CD96: variants seen among roughly 807,000 people sequenced by gnomAD.
The protein encoded by CD96 is T-cell surface protein tactile.
A neutral mutation model predicts 71.3 loss-of-function variants in CD96; 70 were observed. That is an observed-to-expected ratio of 0.98 (90% CI 0.81 to 1.20). The LOEUF is 1.20. CD96 is among the 50% of genes most tolerant of loss of function. The pLI is 0.00. For synonymous variants in CD96, 248 were observed against 233.0 expected, an observed-to-expected ratio of 1.06 and a Z score of -0.59; for missense variants, 742 against 677.5, an observed-to-expected ratio of 1.10 and a Z score of -1.06.
chr3:111,560,184 A>G (rs1159801044), intron 2 of CD96, among the ~76,000 whole-genome samples: 3 of 151,644 alleles, frequency 2.0e-5, no homozygotes, highest in African/African-American at 4.8e-5. Context: ...TGTGTCTTTT[A>G]ATTGGAGAAT....
At chr3:111,609,154 C>T (rs1184678172) in intron 8 of CD96, among the ~76,000 whole-genome samples, 1 of 152,128 alleles carries the variant, frequency 6.6e-6, no homozygotes, top group Non-Finnish European at 1.5e-5. Context: ...AGCATTTGTG[C>T]AGTGACAAAG....
chr3:111,547,435 C>T (rs778477800), intron 2 of CD96, among the ~76,000 whole-genome samples: 3 of 152,090 alleles, frequency 2.0e-5, no homozygotes, highest in Non-Finnish European at 4.4e-5. Context: ...GTACATTCTG[C>T]CTGAACCAGT....
rs549846739 is a variant in CD96, at chr3:111,564,953, T to A, written c.419-2570T>A. Among the ~76,000 whole-genome samples, 15 of 152,336 alleles carry A rather than the reference T, an allele frequency of 9.8e-5. No homozygotes were observed. In the South Asian group the frequency reaches 3.1e-3, roughly 32 times the overall value. On this transcript the variant is annotated intron_variant, in intron 2 of 13. Coordinates refer to ENST00000352690, the MANE Select transcript of CD96 (RefSeq NM_005816.5). ...GATTTCTCTTAGTGGACCTGTCCTG[T>A]CTTATTGGATTCTATGTCCAGCAGT...
chr3:111,611,767 G>A (rs1937950558), intron 8 of CD96, among the ~76,000 whole-genome samples: 1 of 152,182 alleles, frequency 6.6e-6, no homozygotes. Flanking sequence ...ATAAGCAAAG[G>A]CGTAAAACAA....
intron 3 of CD96, among the ~76,000 whole-genome samples, chr3:111,574,951 C>CTT (rs11310598): frequency 1.4e-5 from 2 of 145,592 alleles, no homozygotes; most frequent in African/African-American, 2.5e-5. Flanking sequence ...ACCCAGCTAA[C>CTT]TTTTTTTTTT....
chr3:111,594,013 TAGGTGGAAATATTCCC>T (rs774221128), intron 5 of CD96: 8 of 1,614,068 alleles, frequency 5.0e-6, no homozygotes, highest in Non-Finnish European at 1.7e-6. Flanking sequence ...GAGCAGGAGC[TAGGTGGAAATATTCCC>T]ATGCCTCAGA....
At chr3:111,615,886 C>G (rs1437549062) in intron 8 of CD96, among the ~76,000 whole-genome samples, 1 of 152,206 alleles carries the variant, frequency 6.6e-6, no homozygotes, top group Non-Finnish European at 1.5e-5. Flanking sequence ...CTAGCTGTTT[C>G]TTCAACATAC....
chr3:111,589,845 C>G (rs1374361975), intron 5 of CD96, among the ~76,000 whole-genome samples: 1 of 152,162 alleles, frequency 6.6e-6, no homozygotes, highest in African/African-American at 2.4e-5. Context: ...GCACAAGTGT[C>G]AAATTCTAAT....
rs1239499483 is a variant in CD96, at chr3:111,561,496, G to C, written c.419-6027G>C. 3.4e-5 allele frequency among the ~76,000 whole-genome samples: 5 copies of C among 147,122 alleles called. No homozygotes were observed. In the East Asian group the frequency reaches 1.0e-3, roughly 30 times the overall value. On this transcript the variant is annotated intron_variant, in intron 2 of 13. Transcript: ENST00000352690. The stretch of plus-strand genomic sequence containing the variant: ...TGAGGTGTCAGTGTGCCCCTGCTGC[G>C]GGGTGCCTCCCAGTTAGGCTGCTCG...
chr3:111,606,574 A>C, intron 7 of CD96, 126 bp from the exon 8 acceptor site: 5 of 675,152 alleles, frequency 7.4e-6, no homozygotes, highest in Non-Finnish European at 1.1e-5. Flanking sequence ...TGACCTTAAT[A>C]GGGCCCCAAT....
In CD96 at chr3:111,647,649, T is replaced by C. The variant is rs111262991; in HGVS notation, c.1584T>C (p.Cys528=). 4.0e-5 allele frequency: 64 copies of C among 1,609,682 alleles called. No homozygotes were observed. In the African/African-American group the frequency reaches 6.9e-4, roughly 17 times the overall value. The change falls in exon 13 of 14, where the codon TGT becomes TGC. Residue 528 remains cysteine, a synonymous_variant. Coordinates refer to ENST00000352690, the MANE Select transcript of CD96 (RefSeq NM_005816.5). ...ILFGLGVRKW[C]QYQKEIMERP... Reference sequence around the variant, plus strand: ...TTGGTCTTGGAGTGAGAAAATGGTGTCAGTACCAAAAAGAAATGTGAGTAT... The same window carrying C: ...TTGGTCTTGGAGTGAGAAAATGGTGCCAGTACCAAAAAGAAATGTGAGTAT...
chr3:111,633,727 G>A (rs569366862), intron 10 of CD96: 1 of 153,052 alleles, frequency 6.5e-6, no homozygotes, highest in East Asian at 1.9e-4. Flanking sequence ...ACAGAAGCTA[G>A]CATCAGTGTG....
At chr3:111,609,015 T>C (rs1407411078) in intron 8 of CD96, among the ~76,000 whole-genome samples, 1 of 152,150 alleles carries the variant, frequency 6.6e-6, no homozygotes, top group African/African-American at 2.4e-5. Context: ...TGAAAGTTCT[T>C]TGTGAGTTCA....
In CD96 at chr3:111,579,176, C is replaced by A. The variant is rs1301312801; in HGVS notation, c.693C>A (p.Cys231Ter). The A allele has an allele frequency of 6.2e-7, 1 of 1,611,010 alleles. No individual in the cohort carries two copies. Among genetic ancestry groups the A allele is most frequent in the African/African-American group, 1.3e-5 (1 of 74,876 alleles). Residue 231 changes from cysteine to a stop codon, truncating the protein, a stop_gained, in exon 4 of 14, where the codon TGC becomes TGA. Transcript: ENST00000352690. LOFTEE classifies it high-confidence loss of function. ...QIFDDGRKFSCHIRVGPNKIL... is the reference protein window; with the variant it reads ...QIFDDGRKFS ...TCGATGATGGGCGGAAGTTCTCTTG[C>A]CACATTAGAGTCGGTCCTAACAAAA...
chr3:111,566,905 A>C (rs1935737944), intron 2 of CD96, among the ~76,000 whole-genome samples: 1 of 152,178 alleles, frequency 6.6e-6, no homozygotes, highest in Admixed American at 6.5e-5. Context: ...CTGTGGACAC[A>C]TGTCATTATA....
In CD96 at chr3:111,567,650, A is replaced by G; in HGVS notation, c.543+3A>G. The G allele has an allele frequency of 1.2e-6, 2 of 1,612,800 alleles. No homozygotes were observed. The highest frequency in any genetic ancestry group is 1.7e-6 in the Non-Finnish European group (2 of 1,178,850). On this transcript the variant is annotated splice_donor_region_variant and intron_variant, in intron 3 of 13. Transcript: ENST00000352690. Reference sequence around the variant, plus strand: ...AGTTCACCTATGCATGGTCGGTGGTAAGTGTTGCCCTTTTCAGTGAATAAC... The same window carrying G: ...AGTTCACCTATGCATGGTCGGTGGTGAGTGTTGCCCTTTTCAGTGAATAAC...
chr3:111,570,526 A>G (rs1352739261), intron 3 of CD96: 17 of 1,021,240 alleles, frequency 1.7e-5, no homozygotes, highest in Admixed American at 9.8e-5. Flanking sequence ...AATGGGACGC[A>G]TGTGTGTTAA....
chr3:111,594,041 A>T (rs779289673), intron 5 of CD96: 113 of 1,614,000 alleles, frequency 7.0e-5, no homozygotes, highest in Non-Finnish European at 8.6e-5. Context: ...TGCCTCAGAG[A>T]ACCGGGTGCC....
chr3:111,545,394 A>G lies in CD96; in HGVS notation c.410A>G (p.Gln137Arg). The part of the protein sequence containing the change: ...IQTKIYNLLI[Q>R]THVTADEWNS... ...ACTAAAATCTACAACCTTCTCATTC[A>G]GACACACGGTAAGCATAACTGGTAG... Residue 137 changes from glutamine to arginine, a missense_variant, in exon 2 of 14, where the codon CAG (glutamine) becomes CGG (arginine). Physicochemically the swap from Gln to Arg is conservative, Grantham distance 43. Coordinates refer to ENST00000352690, the MANE Select transcript of CD96 (RefSeq NM_005816.5). 1 of 1,575,728 alleles carries G rather than the reference A, an allele frequency of 6.3e-7. No individual in the cohort carries two copies.
Sources: gnomAD v4.1 joint callset for allele counts (sites outside exome capture counted in the v4.1 genomes callset) on GRCh38, gnomAD v4.1.1 for gene constraint, MANE v1.5 for transcripts, NCBI Gene and HGNC (gene_info 2026-07-23, HGNC 2026-07-21) for gene names.